Variants in RBMS3 observed in about 807,000 individuals in gnomAD.
The protein encoded by RBMS3 is RNA binding motif single stranded interacting protein 3.
Under a neutral mutation model 66.8 loss-of-function variants are expected in RBMS3, and 27 were observed. The ratio of observed to expected loss-of-function variants is 0.40; its 90% confidence interval spans 0.30 to 0.56. RBMS3 has a LOEUF of 0.56. RBMS3 is among the 20% of genes least tolerant of loss of function. The pLI is 0.40. For synonymous variants in RBMS3, 188 were observed against 183.0 expected (o/e 1.03, Z -0.22); for missense variants, 513 against 549.5 (o/e 0.93, Z 0.66).
chr3:29,621,266 T>C (rs2048856199), intron 4 of RBMS3, among the ~76,000 whole-genome samples: 1 of 152,030 alleles, frequency 6.6e-6, no homozygotes, highest in South Asian at 2.1e-4. Flanking sequence ...TAATACATAA[T>C]GGGGCAGAAC....
At chr3:29,548,666 C>T (rs992996806) in intron 3 of RBMS3, among the ~76,000 whole-genome samples, 3 of 151,882 alleles carry the variant, frequency 2.0e-5, no homozygotes, top group Admixed American at 6.6e-5. Context: ...TGTTGAATAT[C>T]ACATGCTGGC....
intron 3 of RBMS3, among the ~76,000 whole-genome samples, chr3:29,524,387 C>T (rs2044990845): frequency 6.8e-6 from 1 of 148,098 alleles, no homozygotes; most frequent in South Asian, 2.2e-4. Context: ...AACACTTTAA[C>T]CTGGAAGATA....
chr3:29,447,015 C>A (rs2041857731), intron 2 of RBMS3, among the ~76,000 whole-genome samples: 1 of 148,576 alleles, frequency 6.7e-6, no homozygotes, highest in Non-Finnish European at 1.5e-5. Flanking sequence ...CACGTTCAAG[C>A]CATTCTCTTG....
intron 6 of RBMS3, among the ~76,000 whole-genome samples, chr3:29,781,723 A>G (rs2056637580): frequency 1.3e-5 from 2 of 152,066 alleles, no homozygotes; most frequent in South Asian, 4.2e-4. Flanking sequence ...TGGGGAGGCT[A>G]GTGGTCTAGG....
chr3:29,704,056 C>A (rs867284290), intron 4 of RBMS3, among the ~76,000 whole-genome samples: 21 of 152,184 alleles, frequency 1.4e-4, no homozygotes, highest in Non-Finnish European at 2.6e-4. Flanking sequence ...TCATCAACCC[C>A]AGATTGGACT....
intron 4 of RBMS3, among the ~76,000 whole-genome samples, chr3:29,589,332 A>T (rs961496466): frequency 2.0e-5 from 3 of 152,198 alleles, no homozygotes; most frequent in African/African-American, 4.8e-5. Context: ...AAGACCTCCT[A>T]AAACGATTAT....
intron 10 of RBMS3, among the ~76,000 whole-genome samples, chr3:29,928,182 A>ATG (rs36082098): frequency 0.25 from 25,094 of 99,836 alleles, 2,524 homozygotes; most frequent in East Asian, 0.36. Flanking sequence ...TTCAAATTTT[A>ATG]TATATATATA....
rs946992589 is a variant in RBMS3 at position 29,782,577 on chromosome 3, G to A, written c.637+19588G>A. Among the ~76,000 whole-genome samples, 6 of 152,178 alleles carry A rather than the reference G, an allele frequency of 3.9e-5. No individual in the cohort carries two copies. The South Asian group carries it at 1.0e-3, about 26-fold the overall frequency. On this transcript the variant is annotated intron_variant, in intron 6 of 14. Transcript: ENST00000383767. ...TACCTCTTACATAGTCTACCCAAAT[G>A]AGAAGCAACCAGAAAAACAATTTTG... is the stretch of plus-strand genomic sequence containing the variant.
chr3:29,295,242 C>T (rs1162771343), intron 1 of RBMS3, among the ~76,000 whole-genome samples: 2 of 146,046 alleles, frequency 1.4e-5, no homozygotes, highest in Non-Finnish European at 3.0e-5. Context: ...TTTTTTATTG[C>T]ATTGAGGTCC....
intron 6 of RBMS3, among the ~76,000 whole-genome samples, chr3:29,778,451 G>C (rs1160289029): frequency 1.3e-5 from 2 of 150,770 alleles, no homozygotes; most frequent in Non-Finnish European, 3.0e-5. Flanking sequence ...TTTGTGCAAG[G>C]GGATTGGGGA....
At chr3:29,891,521 T>C (rs1049139826) in intron 8 of RBMS3, among the ~76,000 whole-genome samples, 7 of 151,614 alleles carry the variant, frequency 4.6e-5, no homozygotes, top group African/African-American at 1.7e-4. Context: ...TATTGCCCTA[T>C]TGCTCTTTTA....
At chr3:29,623,266 G>A (rs1465346513) in intron 4 of RBMS3, among the ~76,000 whole-genome samples, 4 of 151,074 alleles carry the variant, frequency 2.6e-5, no homozygotes. Context: ...TTAAATATAC[G>A]CCGAGTACTA....
chr3:29,455,151 C>T (rs1467078954), intron 2 of RBMS3, among the ~76,000 whole-genome samples: 2 of 152,180 alleles, frequency 1.3e-5, no homozygotes, highest in Non-Finnish European at 2.9e-5. Flanking sequence ...TCGTTCGCCA[C>T]AACATACATG....
At chr3:29,748,756 A>T (rs1217489973) in intron 5 of RBMS3, among the ~76,000 whole-genome samples, 1 of 152,192 alleles carries the variant, frequency 6.6e-6, no homozygotes, top group Non-Finnish European at 1.5e-5. Context: ...CATTTCATCA[A>T]GATGTTTTGA....
At chr3:29,310,593 A>G (rs1559478728) in intron 1 of RBMS3, among the ~76,000 whole-genome samples, 2 of 151,688 alleles carry the variant, frequency 1.3e-5, no homozygotes, top group East Asian at 3.9e-4. Context: ...TATGTGTGCT[A>G]ACATTTTAAG....
chr3:29,448,316 T>C (rs1242254657), intron 2 of RBMS3, among the ~76,000 whole-genome samples: 3 of 152,222 alleles, frequency 2.0e-5, no homozygotes, highest in Admixed American at 2.0e-4. Flanking sequence ...GGAGTCATCC[T>C]GAACTGATAA....
chr3:29,349,473 C>T (rs116645590), intron 1 of RBMS3, among the ~76,000 whole-genome samples: 352 of 152,276 alleles, frequency 2.3e-3, no homozygotes, highest in Non-Finnish European at 3.8e-3. Flanking sequence ...TTCACTTTGC[C>T]GTATTAACTC....
chr3:29,544,255 TAGAA>T (rs1409108980), intron 3 of RBMS3, among the ~76,000 whole-genome samples: 7 of 152,104 alleles, frequency 4.6e-5, no homozygotes, highest in African/African-American at 1.4e-4. Context: ...AATAAAGTAA[TAGAA>T]AGGAAGGACA....
intron 2 of RBMS3, among the ~76,000 whole-genome samples, chr3:29,460,005 T>A (rs1024500590): frequency 6.6e-6 from 1 of 152,188 alleles, no homozygotes; most frequent in African/African-American, 2.4e-5. Context: ...TTCATGTGGG[T>A]CTTGATCAAC....
Sources: gnomAD v4.1 joint callset for allele counts (sites outside exome capture counted in the v4.1 genomes callset) on GRCh38, gnomAD v4.1.1 for gene constraint, MANE v1.5 for transcripts, NCBI Gene and HGNC (gene_info 2026-07-23, HGNC 2026-07-21) for gene names.